The following CDIN1 variants were observed in gnomAD, a reference collection of about 807,000 sequenced individuals.
The protein encoded by CDIN1 is CDAN1-interacting nuclease 1.
A neutral mutation model predicts 45.3 loss-of-function variants in CDIN1; 33 were observed. The ratio of observed to expected loss-of-function variants is 0.73; its 90% confidence interval spans 0.55 to 0.97. CDIN1 has a LOEUF of 0.97. Among genes scored for constraint, CDIN1 ranks in the 50% least tolerant of loss-of-function variants. The pLI is 0.00. For synonymous variants in CDIN1, 118 were observed against 124.4 expected, an observed-to-expected ratio of 0.95 and a Z score of 0.34; for missense variants, 303 against 339.4, an observed-to-expected ratio of 0.89 and a Z score of 0.84.
intron 1 of CDIN1, among the ~76,000 whole-genome samples, chr15:36,590,019 C>T (rs534624671): frequency 2.8e-4 from 43 of 152,316 alleles, no homozygotes; most frequent in Admixed American, 9.1e-4. Flanking sequence ...TTTCATGAAA[C>T]ATATAGTGAA....
At chr15:36,608,489 A>G (rs1454504191) in intron 1 of CDIN1, among the ~76,000 whole-genome samples, 2 of 152,124 alleles carry the variant, frequency 1.3e-5, no homozygotes, top group African/African-American at 2.4e-5. Context: ...ATGTCTATCT[A>G]CATTCTTTGT....
In CDIN1 at chr15:36,583,046, G is replaced by A. The variant is rs544822541; in HGVS notation, c.101+3085G>A. On this transcript the variant is annotated intron_variant, in intron 1 of 10. Transcript: ENST00000566621. ...TTATTGATCTGCATATGTTCAGGAT[G>A]CTGGTCCTATATATGTCATATTTGT... Among the ~76,000 whole-genome samples, 5 of 152,212 alleles carry A rather than the reference G, an allele frequency of 3.3e-5. No individual in the cohort carries two copies. In the East Asian group the frequency reaches 7.7e-4, roughly 23 times the overall value.
intron 1 of CDIN1, chr15:36,591,736 C>T (rs1270308103): frequency 2.6e-5 from 4 of 152,104 alleles, no homozygotes; most frequent in African/African-American, 7.2e-5. Context: ...GGTGTTGGAT[C>T]GAGATTGCAG....
At chr15:36,618,045 A>G (rs1360348902) in intron 1 of CDIN1, 7 of 776,352 alleles carry the variant, frequency 9.0e-6, no homozygotes, top group African/African-American at 3.4e-5. Context: ...TTCTCGGTCT[A>G]TAGTATTATT....
At chr15:36,728,282 C>A (rs948574831) in intron 10 of CDIN1, among the ~76,000 whole-genome samples, 1 of 152,082 alleles carries the variant, frequency 6.6e-6, no homozygotes, top group Non-Finnish European at 1.5e-5. Context: ...CTTCTCCCAC[C>A]CCCCTACCAT....
intron 1 of CDIN1, among the ~76,000 whole-genome samples, chr15:36,602,245 C>A (rs1425905494): frequency 6.6e-6 from 1 of 152,220 alleles, no homozygotes; most frequent in South Asian, 2.1e-4. Context: ...TTCTAATGTC[C>A]TCCAATAACC....
At chr15:36,779,537 C>T (rs1459442943) in intron 10 of CDIN1, among the ~76,000 whole-genome samples, 5 of 152,302 alleles carry the variant, frequency 3.3e-5, no homozygotes, top group Non-Finnish European at 5.9e-5. Context: ...CCCCAGACCA[C>T]CTTACTCAGA....
intron 10 of CDIN1, among the ~76,000 whole-genome samples, chr15:36,738,029 C>T (rs1375192672): frequency 2.0e-5 from 3 of 152,178 alleles, no homozygotes; most frequent in South Asian, 2.1e-4. Flanking sequence ...TCCCAATCTT[C>T]GTAACCATTC....
At chr15:36,748,492 G>A (rs764190313) in intron 10 of CDIN1, among the ~76,000 whole-genome samples, 2 of 151,912 alleles carry the variant, frequency 1.3e-5, no homozygotes, top group Admixed American at 6.6e-5. Flanking sequence ...TTTGCCTCCA[G>A]CAGAGGCCTT....
chr15:36,795,580 A>AACTT (rs1361945573), intron 10 of CDIN1, among the ~76,000 whole-genome samples: 1 of 152,198 alleles, frequency 6.6e-6, no homozygotes, highest in African/African-American at 2.4e-5. Flanking sequence ...TAACAACAGA[A>AACTT]ACTTATATTT....
chr15:36,704,251 GGACAAGGTCAGAGCA>G (rs2042783382), intron 8 of CDIN1: 2 of 152,016 alleles, frequency 1.3e-5, no homozygotes, highest in Non-Finnish European at 2.9e-5. Context: ...CATAAGCAAA[GGACAAGGTCAGAGCA>G]GTCAGTTGTA....
chr15:36,640,111 T>C (rs779579920), intron 1 of CDIN1, among the ~76,000 whole-genome samples: 1 of 152,180 alleles, frequency 6.6e-6, no homozygotes, highest in African/African-American at 2.4e-5. Context: ...ATTTTGCATT[T>C]TGTTCCTAAA....
chr15:36,614,099 A>C, intron 1 of CDIN1: 2 of 814,080 alleles, frequency 2.5e-6, no homozygotes, highest in Non-Finnish European at 4.3e-6. Flanking sequence ...ATCGGTAGCC[A>C]AGCTGGAAAT....
chr15:36,583,153 T>C (rs1477377674), intron 1 of CDIN1, among the ~76,000 whole-genome samples: 3 of 152,208 alleles, frequency 2.0e-5, no homozygotes, highest in South Asian at 4.1e-4. Flanking sequence ...GCTTTTTTTT[T>C]CTGACATTTT....
chr15:36,709,322 TAG>T, intron 9 of CDIN1, 34 bp downstream of exon 9: 4 of 1,532,432 alleles, frequency 2.6e-6, no homozygotes, highest in Non-Finnish European at 3.5e-6. Context: ...CATTTGTTTT[TAG>T]AGAAAAGGGA....
intron 8 of CDIN1, among the ~76,000 whole-genome samples, chr15:36,702,673 C>T (rs2042686374): frequency 6.6e-6 from 1 of 152,082 alleles, no homozygotes; most frequent in Non-Finnish European, 1.5e-5. Context: ...CTTAAATATA[C>T]ACTGGGGAAG....
intron 1 of CDIN1, among the ~76,000 whole-genome samples, chr15:36,591,567 A>T (rs1359060786): frequency 6.6e-6 from 1 of 152,220 alleles, no homozygotes; most frequent in African/African-American, 2.4e-5. Context: ...AAAGATAAAA[A>T]TACATTTAAC....
chr15:36,765,058 TTTC>T (rs1427814638), intron 10 of CDIN1, among the ~76,000 whole-genome samples: 3 of 17,976 alleles, frequency 1.7e-4, no homozygotes, highest in African/African-American at 1.5e-4. Flanking sequence ...TTTTTCTTTC[TTTC>T]TTTTTTTTTT....
intron 1 of CDIN1, among the ~76,000 whole-genome samples, chr15:36,594,031 C>T (rs1263600725): frequency 5.9e-5 from 9 of 152,114 alleles, no homozygotes; most frequent in South Asian, 2.1e-4. Context: ...AGAATGGTGC[C>T]TTCAAAGTTT....
Sources: gnomAD v4.1 joint callset for allele counts (sites outside exome capture counted in the v4.1 genomes callset) on GRCh38, gnomAD v4.1.1 for gene constraint, MANE v1.5 for transcripts, NCBI Gene and HGNC (gene_info 2026-07-23, HGNC 2026-07-21) for gene names.